DNAAF3: variants seen among roughly 807,000 people sequenced by gnomAD.
DNAAF3 encodes UPF0470 protein C19orf51.
Under a neutral mutation model 50.9 loss-of-function variants are expected in DNAAF3, and 40 were observed. The observed-to-expected ratio is 0.79, with a 90% CI of 0.61 to 1.02. DNAAF3 has a LOEUF of 1.02. Ranked by LOEUF, DNAAF3 falls within the 50% of genes least tolerant of loss-of-function variation. DNAAF3 has a pLI of 0.00. For synonymous variants in DNAAF3, 327 were observed against 322.8 expected, an observed-to-expected ratio of 1.01 and a Z score of -0.14; for missense variants, 763 against 744.7, an observed-to-expected ratio of 1.02 and a Z score of -0.29.
At position 55,161,532 on chromosome 19, in the gene DNAAF3, C is replaced by A; in HGVS notation, c.663+111G>T. ...GGTCCCCAGGCCCTCCTCCCTCAGA[C>A]CCAGGAGTTCAGGCCCCCAAACCCT... On this transcript the variant is annotated intron_variant, in intron 6 of 11. Coordinates refer to ENST00000524407, the MANE Select transcript of DNAAF3 (RefSeq NM_001256715.2). The surrounding 1 kb of genome is among the most constrained non-coding windows in gnomAD (Gnocchi z 6.4). The A allele has an allele frequency of 6.7e-7, 1 of 1,484,810 alleles. No homozygotes were observed. Among genetic ancestry groups the A allele is most frequent in the Non-Finnish European group, 8.9e-7 (1 of 1,119,202 alleles). 92.0% of individuals were successfully genotyped at this position (1,484,810 alleles called of 1,614,324 possible). A position where few individuals can be genotyped will look rare whatever the true frequency, so the allele number is the denominator to read the frequency against.
chr19:55,159,558 C>T lies in DNAAF3; in HGVS notation c.1213G>A (p.Gly405Arg). The change falls in exon 11 of 12, where the codon GGG (glycine) becomes AGG (arginine). Residue 405 changes from glycine to arginine, a missense_variant. Physicochemically the swap from Gly to Arg is moderately radical, Grantham distance 125. Coordinates refer to ENST00000524407, the MANE Select transcript of DNAAF3 (RefSeq NM_001256715.2). ...PELGACVAPG[G>R]NLIVELARYL... ...CGGGCTAATTCCACAATCAAGTTCC[C>T]TCCGGGTGCCACACAGGCCCCAAGC... 1 of 1,603,688 alleles carries T rather than the reference C, an allele frequency of 6.2e-7. No individual in the cohort carries two copies. The highest frequency in any genetic ancestry group is 8.5e-7 in the Non-Finnish European group (1 of 1,174,702).
intron 4 of DNAAF3, chr19:55,162,850 G>A (rs1427039742): frequency 4.2e-6 from 1 of 237,562 alleles, no homozygotes; most frequent in South Asian, 1.6e-4. Flanking sequence ...CTGTTGCCCA[G>A]GCTGAATGCA....
At position 55,166,298 on chromosome 19, in the gene DNAAF3, G is replaced by C. The variant is rs1367426600; in HGVS notation, c.85+31C>G. 6.2e-7 allele frequency: 1 copy of C among 1,608,234 alleles called. No individual in the cohort carries two copies. Among genetic ancestry groups the C allele is most frequent in the South Asian group, 1.1e-5 (1 of 90,754 alleles). On this transcript the variant is annotated intron_variant, in intron 2 of 11. Transcript: ENST00000524407. The surrounding 1 kb of genome is among the most constrained non-coding windows in gnomAD (Gnocchi z 4.0). ...GTCTGCTCAGGCTGGGAAGGCAGAC[G>C]GTGTATCAGACCTTGCGTGCTGGGA...
In DNAAF3 at chr19:55,160,802, C is replaced by A. The variant is rs201893589; in HGVS notation, c.913-27G>T. On this transcript the variant is annotated intron_variant, in intron 8 of 11. Transcript: ENST00000524407. The surrounding 1 kb of genome is among the most constrained non-coding windows in gnomAD (Gnocchi z 4.7). ...TAACAGTAGAAGGGGCGTGGCCAGACGTCGGGGCCAGGATGGCGGGGCGGG... is the reference window on the plus strand; with the variant it reads ...TAACAGTAGAAGGGGCGTGGCCAGAAGTCGGGGCCAGGATGGCGGGGCGGG... 811 of 1,599,252 alleles carry A rather than the reference C, an allele frequency of 5.1e-4. No individual in the cohort carries two copies. Among genetic ancestry groups the A allele is most frequent in the Non-Finnish European group, 6.7e-4 (786 of 1,176,228 alleles).
At position 55,161,684 on chromosome 19, in the gene DNAAF3, C is replaced by T. The variant is rs767336888; in HGVS notation, c.622G>A (p.Val208Ile). 4 of 1,540,374 alleles carry T rather than the reference C, an allele frequency of 2.6e-6. No individual in the cohort carries two copies. Among genetic ancestry groups the T allele is most frequent in the Middle Eastern group, 2.3e-4 (1 of 4,388 alleles). Residue 208 changes from valine (V) to isoleucine (I), a missense_variant, in exon 6 of 12, where the codon GTC (valine) becomes ATC (isoleucine). Coordinates refer to ENST00000524407, the MANE Select transcript of DNAAF3 (RefSeq NM_001256715.2). This position sits in a 1 kb window ranked among gnomAD's most constrained non-coding sequence, Gnocchi z 6.4. Reference protein sequence around the residue: ...LGSRYDARRGVSDWDLRMKLH... With the variant: ...LGSRYDARRGISDWDLRMKLH... Reference sequence around the variant, plus strand: ...TTCATGCGCAGGTCCCAGTCGCTGACACCGCGCCGGGCGTCGTAGCGGGAG... The same window carrying T: ...TTCATGCGCAGGTCCCAGTCGCTGATACCGCGCCGGGCGTCGTAGCGGGAG...
chr19:55,163,297 C>T (rs9749340), intron 4 of DNAAF3, among the ~76,000 whole-genome samples: 18,244 of 140,836 alleles, frequency 0.13, 1,944 homozygotes, highest in African/African-American at 0.32. Flanking sequence ...CGTGAGCCAT[C>T]GCGCCCGGCG....
In DNAAF3 at chr19:55,161,643, C is replaced by G; in HGVS notation, c.663G>C (p.Gly221=). Residue 221 remains glycine (G), a splice_region_variant and synonymous_variant, in exon 6 of 12, where the codon GGG becomes GGC. Transcript: ENST00000524407. This position sits in a 1 kb window ranked among gnomAD's most constrained non-coding sequence, Gnocchi z 6.4. ...CCAGCCCCTCTCCTGGGCCCCTCAC[C>G]CCGCGGTCATGCAGCTTCATGCGCA... ...WDLRMKLHDR[G]AQVIHPQEFR... 2 of 1,535,646 alleles carry G rather than the reference C, an allele frequency of 1.3e-6. No individual in the cohort carries two copies. The highest frequency in any genetic ancestry group is 1.2e-5 in the South Asian group (1 of 83,758).
chr19:55,163,025 T>C (rs2085869049), intron 4 of DNAAF3, among the ~76,000 whole-genome samples: 1 of 109,340 alleles, frequency 9.1e-6, no homozygotes, highest in Admixed American at 1.0e-4. Context: ...TTTTTTTTTT[T>C]TTGAGACGGA....
Position 55,163,312 on chromosome 19 carries a change from A to ATTT in DNAAF3, c.323-1025_323-1023dup, listed in dbSNP as rs34371299. Among the ~76,000 whole-genome samples the ATTT allele has an allele frequency of 1.4e-3, 123 of 87,228 alleles. 14 individuals are homozygous for ATTT. Among genetic ancestry groups the ATTT allele is most frequent in the African/African-American group, 5.5e-3 (122 of 22,052 alleles). 57.2% of individuals were successfully genotyped at this position (87,228 alleles called of 152,430 possible). On this transcript the variant is annotated intron_variant, in intron 4 of 11. Coordinates refer to ENST00000524407, the MANE Select transcript of DNAAF3 (RefSeq NM_001256715.2). ...CGTGAGCCATCGCGCCCGGCGGCTAATTTTTTTTTTTTTTTTTTTGTATTT... is the reference window on the plus strand; with the variant it reads ...CGTGAGCCATCGCGCCCGGCGGCTAATTTTTTTTTTTTTTTTTTTTTTGTATTT...
Position 55,161,141 on chromosome 19 carries a change from G to C in DNAAF3, c.836C>G (p.Thr279Arg). 6.4e-7 allele frequency: 1 copy of C among 1,552,326 alleles called. No homozygotes were observed. Among genetic ancestry groups the C allele is most frequent in the South Asian group, 1.2e-5 (1 of 84,536 alleles). ...GATGCCGAAGGCCACGAAGGGCCCCGTGGCGATGTCCCCCCAGTACCCGCG... is the reference window on the plus strand; with the variant it reads ...GATGCCGAAGGCCACGAAGGGCCCCCTGGCGATGTCCCCCCAGTACCCGCG... Reference protein sequence around the residue: ...AARGYWGDIATGPFVAFGIEA... With the variant: ...AARGYWGDIARGPFVAFGIEA... Residue 279 changes from threonine (T) to arginine (R), a missense_variant, in exon 8 of 12, where the codon ACG becomes AGG. Coordinates refer to ENST00000524407, the MANE Select transcript of DNAAF3 (RefSeq NM_001256715.2). This position sits in a 1 kb window ranked among gnomAD's most constrained non-coding sequence, Gnocchi z 6.4.
Position 55,160,850 on chromosome 19 carries a change from GGTCC to G in DNAAF3, c.913-79_913-76del. ...GGGGCTTAGAACGCTGGGAGTCCTC[GGTCC>G]AGGACTAGAACTCCCGCAGCTGCTT... is the stretch of plus-strand genomic sequence containing the variant. On this transcript the variant is annotated intron_variant, in intron 8 of 11. Transcript: ENST00000524407. The surrounding 1 kb of genome is among the most constrained non-coding windows in gnomAD (Gnocchi z 4.7). The G allele has an allele frequency of 6.5e-7, 1 of 1,540,444 alleles. No homozygotes were observed. Among genetic ancestry groups the G allele is most frequent in the Non-Finnish European group, 8.7e-7 (1 of 1,153,174 alleles).
Position 55,165,953 on chromosome 19 carries a change from G to A in DNAAF3, c.133C>T (p.Pro45Ser), listed in dbSNP as rs754821642. The A allele has an allele frequency of 6.2e-5, 100 of 1,614,116 alleles. 1 individual carries two copies. The South Asian group carries it at 9.8e-4, about 16-fold the overall frequency. ...CCCAGAAGCAGCACATCTAGCTCGG[G>A]GTTGCTGTGCACTGTATCGGCCTGG... is the stretch of plus-strand genomic sequence containing the variant. ...DSQADTVHSNPELDVLLLGSV... is the reference protein window; with the variant it reads ...DSQADTVHSNSELDVLLLGSV... Residue 45 changes from proline (P) to serine (S), a missense_variant, in exon 3 of 12, where the codon CCC becomes TCC. Transcript: ENST00000524407.
chr19:55,164,041 C>G (rs10421953), intron 4 of DNAAF3, among the ~76,000 whole-genome samples: 37,812 of 152,010 alleles, frequency 0.25, 7,368 homozygotes, highest in African/African-American at 0.52. Context: ...CAAGTGTGCG[C>G]CTCTTCCCCA....
At position 55,161,732 on chromosome 19, in the gene DNAAF3, A is replaced by C. The variant is rs768020125; in HGVS notation, c.574T>G (p.Ser192Ala). The stretch of plus-strand genomic sequence containing the variant: ...GAGCCCAGGTAGTGGCGCAGGCGCG[A>C]GTCCCAGAGGCGGCTCATGGGGAAC... ...QAFPMSRLWD[S>A]RLRHYLGSRY... The change falls in exon 6 of 12, where the codon TCG becomes GCG. Residue 192 changes from serine to alanine, a missense_variant. Ser to Ala is a moderately conservative substitution (Grantham distance 99). Coordinates refer to ENST00000524407, the MANE Select transcript of DNAAF3 (RefSeq NM_001256715.2). This position sits in a 1 kb window ranked among gnomAD's most constrained non-coding sequence, Gnocchi z 6.4. The C allele has an allele frequency of 7.1e-6, 11 of 1,540,548 alleles. No individual in the cohort carries two copies. The highest frequency in any genetic ancestry group is 9.6e-6 in the Non-Finnish European group (11 of 1,146,102).
chr19:55,165,253 A>C, intron 4 of DNAAF3, 117 bp downstream of exon 4: 1 of 988,748 alleles, frequency 1.0e-6, no homozygotes, highest in Admixed American at 2.0e-5. Context: ...GGCTCACTGT[A>C]ACCTCCGCCT....
At chr19:55,163,311 A>T (rs1599925957) in intron 4 of DNAAF3, among the ~76,000 whole-genome samples, 1 of 101,084 alleles carries the variant, frequency 9.9e-6, no homozygotes, top group South Asian at 3.0e-4. Flanking sequence ...CCCGGCGGCT[A>T]ATTTTTTTTT....
intron 11 of DNAAF3, 26 bp downstream of exon 11, chr19:55,159,507 C>T (rs748755474): frequency 4.4e-6 from 7 of 1,597,946 alleles, no homozygotes; most frequent in Non-Finnish European, 6.0e-6. Context: ...CCAGGATGTT[C>T]CCCACCCTCC....
In DNAAF3 at chr19:55,165,449, C is replaced by T. The variant is rs1272525932; in HGVS notation, c.243G>A (p.Glu81=). The T allele has an allele frequency of 3.7e-6, 6 of 1,613,962 alleles. 1 individual carries two copies. In the South Asian group the frequency reaches 6.6e-5, roughly 18 times the overall value. Residue 81 remains glutamate, a synonymous_variant, in exon 4 of 12, where the codon GAG becomes GAA. Transcript: ENST00000524407. ...PRRRFNFFVL[E]NNLEAVARHM... ...GTCGGGCCACAGCTTCCAGATTATT[C>T]TCCAGCACAAAGAACTAGAAGGATG...
chr19:55,161,010 G>A lies in DNAAF3; in HGVS notation c.912+55C>T, dbSNP rs2085817729. 4 of 1,494,024 alleles carry A rather than the reference G, an allele frequency of 2.7e-6. No individual in the cohort carries two copies. In the African/African-American group the frequency reaches 4.2e-5, roughly 16 times the overall value. The allele number at this position is 1,494,024 out of a possible 1,614,324, so 92.5% of individuals were successfully genotyped here. A position where few individuals can be genotyped will look rare whatever the true frequency, so the allele number is the denominator to read the frequency against. On this transcript the variant is annotated intron_variant, in intron 8 of 11. Transcript: ENST00000524407. This position sits in a 1 kb window ranked among gnomAD's most constrained non-coding sequence, Gnocchi z 6.4. ...GCCTGCTGTGGGGGCGGGGCCTTGC[G>A]CACCCACCGACCCCCAGCCCCACCT...
Sources: gnomAD v4.1 joint callset for allele counts (sites outside exome capture counted in the v4.1 genomes callset) on GRCh38, gnomAD v4.1.1 for gene constraint, Gnocchi (gnomAD v3.1) non-coding constraint, MANE v1.5 for transcripts, NCBI Gene and HGNC (gene_info 2026-07-23, HGNC 2026-07-21) for gene names.